The following GRIN2A variants were observed in gnomAD, a reference collection of about 807,000 sequenced individuals.
The protein encoded by GRIN2A is glutamate receptor ionotropic, NMDA 2A.
In GRIN2A, 22 loss-of-function variants were observed where a neutral mutation model predicts 113.4. The observed-to-expected ratio is 0.19, with a 90% CI of 0.14 to 0.28. The LOEUF (loss-of-function observed/expected upper bound fraction) is 0.28. Ranked by LOEUF, GRIN2A falls within the 10% of genes least tolerant of loss-of-function variation. The pLI is 1.00. For synonymous variants in GRIN2A, 827 were observed against 738.4 expected (o/e 1.12, Z -1.94); for missense variants, 1,502 against 1,887.0 (o/e 0.80, Z 3.78).
chr16:9,844,326 C>T (rs1432663757), intron 5 of GRIN2A, among the ~76,000 whole-genome samples: 1 of 152,192 alleles, frequency 6.6e-6, no homozygotes, highest in Non-Finnish European at 1.5e-5. Context: ...GCCTACTGTG[C>T]ACAAGACATG....
chr16:9,997,229 T>C (rs929903514), intron 2 of GRIN2A, among the ~76,000 whole-genome samples: 15 of 152,312 alleles, frequency 9.8e-5, no homozygotes, highest in African/African-American at 3.4e-4. Flanking sequence ...GGAGATGCTA[T>C]AATTGAAGTC....
In GRIN2A at chr16:10,098,025, A is replaced by T. The variant is rs1452760437; in HGVS notation, c.414+81973T>A. Reference sequence around the variant, plus strand: ...TACACAACCCACAGAGTGTGAGAAAATCTTCACAACCATACATCCAAAGGA... The same window carrying T: ...TACACAACCCACAGAGTGTGAGAAATTCTTCACAACCATACATCCAAAGGA... On this transcript the variant is annotated intron_variant, in intron 2 of 12. Transcript: ENST00000330684. Among the ~76,000 whole-genome samples the T allele has an allele frequency of 3.3e-5, 5 of 152,306 alleles. No homozygotes were observed. The East Asian group carries it at 9.6e-4, about 29-fold the overall frequency.
At chr16:10,014,229 T>C (rs1257069678) in intron 2 of GRIN2A, among the ~76,000 whole-genome samples, 1 of 152,216 alleles carries the variant, frequency 6.6e-6, no homozygotes, top group Non-Finnish European at 1.5e-5. Context: ...GTCATTTTCA[T>C]ATGGCTGGAT....
intron 3 of GRIN2A, among the ~76,000 whole-genome samples, chr16:9,898,791 T>A (rs759811328): frequency 5.6e-5 from 4 of 71,518 alleles, no homozygotes; most frequent in Non-Finnish European, 1.0e-4. Flanking sequence ...TCACAGAGTG[T>A]TTTTTTTTTG....
intron 2 of GRIN2A, among the ~76,000 whole-genome samples, chr16:10,073,113 G>A (rs867366403): frequency 1.3e-5 from 2 of 151,874 alleles, no homozygotes; most frequent in Non-Finnish European, 2.9e-5. Flanking sequence ...CCACCGCCAC[G>A]TCTGGCTAGT....
At chr16:9,927,727 A>G (rs2044496543) in intron 3 of GRIN2A, among the ~76,000 whole-genome samples, 1 of 152,256 alleles carries the variant, frequency 6.6e-6, no homozygotes, top group Non-Finnish European at 1.5e-5. Context: ...AAAAATATAT[A>G]TGCTTAGATA....
chr16:10,161,123 G>A (rs1596565642), intron 2 of GRIN2A, among the ~76,000 whole-genome samples: 1 of 152,218 alleles, frequency 6.6e-6, no homozygotes, highest in African/African-American at 2.4e-5. Context: ...GACCTGGTGG[G>A]AGGTAATTTA....
intron 2 of GRIN2A, among the ~76,000 whole-genome samples, chr16:10,089,689 C>T (rs2048149323): frequency 6.6e-6 from 1 of 152,084 alleles, no homozygotes; most frequent in Non-Finnish European, 1.5e-5. Flanking sequence ...ACATATAAAA[C>T]CCTTGATAAT....
At chr16:9,850,554 A>C (rs192036999) in intron 4 of GRIN2A, among the ~76,000 whole-genome samples, 5 of 152,318 alleles carry the variant, frequency 3.3e-5, no homozygotes, top group Admixed American at 6.5e-5. Flanking sequence ...AGATGAAGGA[A>C]AAGAGAAAAA....
intron 2 of GRIN2A, among the ~76,000 whole-genome samples, chr16:10,163,843 G>A (rs530642490): frequency 6.6e-6 from 1 of 152,206 alleles, no homozygotes; most frequent in Non-Finnish European, 1.5e-5. Flanking sequence ...TGCCACCTGG[G>A]CAATATCCCT....
intron 2 of GRIN2A, among the ~76,000 whole-genome samples, chr16:10,142,836 T>G (rs964447325): frequency 3.9e-5 from 6 of 152,264 alleles, no homozygotes; most frequent in Admixed American, 2.6e-4. Context: ...TGTAAAATTC[T>G]CGGGTCTCAT....
intron 11 of GRIN2A, among the ~76,000 whole-genome samples, chr16:9,784,009 A>C (rs1902072916): frequency 6.6e-6 from 1 of 152,174 alleles, no homozygotes; most frequent in Non-Finnish European, 1.5e-5. Flanking sequence ...CAGGAAAAAC[A>C]AATAATGGGT....
chr16:10,134,170 C>T (rs557992936), intron 2 of GRIN2A, among the ~76,000 whole-genome samples: 1 of 139,186 alleles, frequency 7.2e-6, no homozygotes, highest in East Asian at 2.2e-4. Context: ...TCCAGTCTGG[C>T]CTTCAGGGTG....
chr16:9,777,282 T>A (rs756451892), intron 11 of GRIN2A, among the ~76,000 whole-genome samples: 1 of 151,610 alleles, frequency 6.6e-6, no homozygotes, highest in Non-Finnish European at 1.5e-5. Context: ...GAAAAAAAAA[T>A]GAGCTAGAGA....
In GRIN2A at chr16:10,036,449, C is replaced by CTTTTTTTTTTTTTT. The variant is rs369821921; in HGVS notation, c.415-97912_415-97899dup. 4.4e-3 allele frequency among the ~76,000 whole-genome samples: 201 copies of CTTTTTTTTTTTTTT among 45,990 alleles called. 7 individuals are homozygous for CTTTTTTTTTTTTTT. Among genetic ancestry groups the CTTTTTTTTTTTTTT allele is most frequent in the East Asian group, 9.0e-3 (9 of 998 alleles). The allele number at this position is 45,990 out of a possible 152,430, so 30.2% of individuals were successfully genotyped here. A position where few individuals can be genotyped will look rare whatever the true frequency, so the allele number is the denominator to read the frequency against. ...ATATTAGTACTTACTTTTTTTTTTT[C>CTTTTTTTTTTTTTT]TTTTTTTTTTTTTTTTTTTTTTTTT... is the stretch of plus-strand genomic sequence containing the variant. On this transcript the variant is annotated intron_variant, in intron 2 of 12. Coordinates refer to ENST00000330684, the MANE Select transcript of GRIN2A (RefSeq NM_001134407.3).
At chr16:10,127,462 C>A (rs1225260149) in intron 2 of GRIN2A, among the ~76,000 whole-genome samples, 2 of 152,134 alleles carry the variant, frequency 1.3e-5, no homozygotes, top group Non-Finnish European at 2.9e-5. Context: ...AATCATTTTT[C>A]CAATCTTAGC....
intron 2 of GRIN2A, among the ~76,000 whole-genome samples, chr16:9,984,101 A>G (rs898881552): frequency 2.0e-5 from 3 of 152,186 alleles, no homozygotes; most frequent in Non-Finnish European, 2.9e-5. Context: ...AGCTGAGATT[A>G]TATCTCACTG....
chr16:9,809,755 TTACAGGTAA>T (rs1364807015), intron 10 of GRIN2A, among the ~76,000 whole-genome samples: 3 of 151,744 alleles, frequency 2.0e-5, no homozygotes, highest in Non-Finnish European at 4.4e-5. Flanking sequence ...AAACTAAGAG[TTACAGGTAA>T]TACACTCATA....
At chr16:10,051,925 C>T (rs2047366808) in intron 2 of GRIN2A, among the ~76,000 whole-genome samples, 1 of 152,188 alleles carries the variant, frequency 6.6e-6, no homozygotes. Flanking sequence ...GTTACGTGGG[C>T]ACCATAACAA....
Sources: allele counts gnomAD v4.1 joint callset (sites outside exome capture counted in the v4.1 genomes callset), GRCh38; gene constraint gnomAD v4.1.1; transcripts MANE v1.5; gene names NCBI Gene and HGNC (gene_info 2026-07-23, HGNC 2026-07-21).